The following CSMD3 variants were observed in gnomAD, a reference collection of about 807,000 sequenced individuals.
CSMD3 encodes CUB and Sushi multiple domains 3.
Under a neutral mutation model 435.2 loss-of-function variants are expected in CSMD3, and 177 were observed. The ratio of observed to expected loss-of-function variants is 0.41; its 90% confidence interval spans 0.36 to 0.46. The LOEUF is 0.46. Ranked by LOEUF, CSMD3 falls within the 20% of genes least tolerant of loss-of-function variation. The pLI is 0.34. For missense variants in CSMD3, 4,265 were observed against 4,504.6 expected (o/e 0.95, Z 1.52); for synonymous variants, 1,656 against 1,520.5 (o/e 1.09, Z -2.07).
chr8:112,449,152 T>C (rs984367871), intron 32 of CSMD3, among the ~76,000 whole-genome samples: 1 of 152,198 alleles, frequency 6.6e-6, no homozygotes, highest in South Asian at 2.1e-4. Context: ...CTGAATTGGC[T>C]TAAGTGAATC....
chr8:112,616,265 A>C (rs1833653182), intron 22 of CSMD3, among the ~76,000 whole-genome samples: 1 of 151,996 alleles, frequency 6.6e-6, no homozygotes, highest in Non-Finnish European at 1.5e-5. Context: ...AAGTACTCAA[A>C]AATTATATCT....
chr8:112,337,208 G>A (rs1824659725), intron 43 of CSMD3, among the ~76,000 whole-genome samples: 1 of 152,120 alleles, frequency 6.6e-6, no homozygotes, highest in Admixed American at 6.5e-5. Context: ...CTAGAGGAAA[G>A]GAACTCAGTA....
At chr8:113,171,542 GT>G (rs11355373) in intron 4 of CSMD3, among the ~76,000 whole-genome samples, 146,162 of 151,510 alleles carry the variant, frequency 0.96, 70,521 homozygotes, top group East Asian at 1. Context: ...GAGTTTTATG[GT>G]TTTTTTTTTA....
intron 31 of CSMD3, among the ~76,000 whole-genome samples, chr8:112,485,714 C>CA (rs1179710793): frequency 2.0e-5 from 3 of 152,082 alleles, no homozygotes; most frequent in Non-Finnish European, 4.4e-5. Flanking sequence ...AGTTGGAAAG[C>CA]TGTAATTATA....
intron 3 of CSMD3, among the ~76,000 whole-genome samples, chr8:113,250,054 T>C (rs952124509): frequency 6.6e-6 from 1 of 152,130 alleles, no homozygotes; most frequent in Admixed American, 6.6e-5. Flanking sequence ...CAGGTTCTTT[T>C]CTATGTCCTC....
chr8:112,989,138 C>G (rs1399170991), intron 6 of CSMD3, among the ~76,000 whole-genome samples: 1 of 151,604 alleles, frequency 6.6e-6, no homozygotes, highest in Non-Finnish European at 1.5e-5. Flanking sequence ...AAATGGGAGA[C>G]AAAAAGAATG....
At chr8:113,310,723 TTAG>T (rs1416588900) in intron 2 of CSMD3, 2 of 151,880 alleles carry the variant, frequency 1.3e-5, no homozygotes, top group Non-Finnish European at 2.9e-5. Flanking sequence ...GGAAAGCATA[TTAG>T]TAATATAAAG....
chr8:113,015,689 T>C (rs1043784489), intron 6 of CSMD3, among the ~76,000 whole-genome samples: 1 of 151,816 alleles, frequency 6.6e-6, no homozygotes, highest in African/African-American at 2.4e-5. Flanking sequence ...TATTGAGCCT[T>C]ATGAAATAAA....
intron 12 of CSMD3, among the ~76,000 whole-genome samples, chr8:112,801,055 A>C (rs1007180696): frequency 1.3e-5 from 2 of 152,058 alleles, no homozygotes; most frequent in African/African-American, 4.8e-5. Flanking sequence ...GAAAGAGGAA[A>C]AAATGGATTC....
intron 36 of CSMD3, among the ~76,000 whole-genome samples, chr8:112,390,391 C>T (rs2129713316): frequency 6.6e-6 from 1 of 152,312 alleles, no homozygotes; most frequent in South Asian, 2.1e-4. Context: ...GAAAGACACA[C>T]TGAACCCCTG....
chr8:112,958,331 G>A (rs1334277192), intron 7 of CSMD3, among the ~76,000 whole-genome samples: 1 of 152,006 alleles, frequency 6.6e-6, no homozygotes, highest in Admixed American at 6.5e-5. Context: ...TTCATTACAT[G>A]TTCAGTTTGA....
chr8:112,480,523 T>C (rs995068071), intron 31 of CSMD3, among the ~76,000 whole-genome samples: 1 of 152,116 alleles, frequency 6.6e-6, no homozygotes, highest in African/African-American at 2.4e-5. Flanking sequence ...TAGGAGGTGT[T>C]TGGGTCATGG....
chr8:112,331,128 TG>T (rs1412501692), intron 45 of CSMD3, among the ~76,000 whole-genome samples: 2 of 152,050 alleles, frequency 1.3e-5, no homozygotes, highest in East Asian at 3.9e-4. Context: ...AATAAATGGT[TG>T]TTACCACTAA....
intron 3 of CSMD3, among the ~76,000 whole-genome samples, chr8:113,222,358 G>C (rs1271631598): frequency 6.6e-6 from 1 of 150,854 alleles, no homozygotes; most frequent in Non-Finnish European, 1.5e-5. Context: ...TAAAAAAGAA[G>C]AGTCTTTGTA....
At chr8:112,651,563 A>G (rs2075127556) in intron 18 of CSMD3, among the ~76,000 whole-genome samples, 4 of 140,720 alleles carry the variant, frequency 2.8e-5, no homozygotes, top group African/African-American at 8.2e-5. Context: ...TTTTTGACGG[A>G]GTCTCGCTTT....
intron 13 of CSMD3, among the ~76,000 whole-genome samples, chr8:112,702,095 T>C (rs1354645131): frequency 6.6e-6 from 1 of 152,166 alleles, no homozygotes; most frequent in Non-Finnish European, 1.5e-5. Context: ...ATTTTTTACT[T>C]TGTATCCCAA....
chr8:113,209,920 T>C (rs1440241304), intron 3 of CSMD3, among the ~76,000 whole-genome samples: 1 of 151,996 alleles, frequency 6.6e-6, no homozygotes, highest in Admixed American at 6.6e-5. Flanking sequence ...ACTTTAAAAA[T>C]GCCTGTATTT....
chr8:113,159,398 T>C (rs1442038480), intron 4 of CSMD3, among the ~76,000 whole-genome samples: 4 of 151,978 alleles, frequency 2.6e-5, no homozygotes, highest in Admixed American at 1.3e-4. Flanking sequence ...TAGTGCCTGA[T>C]TGCCATTTGT....
intron 9 of CSMD3, among the ~76,000 whole-genome samples, chr8:112,944,235 C>T (rs1385050683): frequency 6.6e-6 from 1 of 151,686 alleles, no homozygotes; most frequent in Non-Finnish European, 1.5e-5. Context: ...AAGTATTAAA[C>T]ATGAGCTTTC....
Sources: allele counts gnomAD v4.1 joint callset (sites outside exome capture counted in the v4.1 genomes callset), GRCh38; gene constraint gnomAD v4.1.1; transcripts MANE v1.5; gene names NCBI Gene and HGNC (gene_info 2026-07-23, HGNC 2026-07-21).